ERI1: variants seen among roughly 807,000 people sequenced by gnomAD.
ERI1 encodes the protein exoribonuclease 1.
In ERI1, 39 loss-of-function variants were observed where a neutral mutation model predicts 39.7. That is an observed-to-expected ratio of 0.98 (90% CI 0.76 to 1.28). The LOEUF is 1.28. ERI1 is among the 50% of genes most tolerant of loss of function. The probability of loss-of-function intolerance (pLI) is 0.00; values close to 1 mark genes in which losing one functional copy is unlikely to be tolerated. For missense variants in ERI1, 581 were observed against 416.9 expected (o/e 1.39, Z -3.43); for synonymous variants, 204 against 149.6 (o/e 1.36, Z -2.65).
At position 9,078,880 on chromosome 8, in the gene ERI1, C is replaced by T. The variant is rs977595834; in HGVS notation, n.300-37468C>T. ...AGAGACTACAGGGGCATTATGGGAT[C>T]ATTAACAAGTACACAAACCTCAATT... On this transcript the variant is annotated intron_variant and non_coding_transcript_variant, in intron 3 of 3. Coordinates refer to the ERI1 transcript ENST00000518663. Among the ~76,000 whole-genome samples the T allele has an allele frequency of 1.1e-4, 16 of 152,092 alleles. 1 individual carries two copies.
chr8:9,015,901 ATG>A (rs372797209), intron 3 of ERI1, among the ~76,000 whole-genome samples: 3 of 152,280 alleles, frequency 2.0e-5, no homozygotes, highest in African/African-American at 2.4e-5. Flanking sequence ...TCAGGAGTAA[ATG>A]AGAGAAAAAT....
downstream of ERI1, among the ~76,000 whole-genome samples, chr8:9,037,556 A>T (rs1451551532): frequency 1.3e-5 from 2 of 150,590 alleles, no homozygotes; most frequent in African/African-American, 2.4e-5. Flanking sequence ...ACAGGTTCTT[A>T]CTTGTATCTC....
At chr8:9,066,250 G>A (rs528943102) in intron 3 of ERI1, among the ~76,000 whole-genome samples, 3 of 152,122 alleles carry the variant, frequency 2.0e-5, no homozygotes, top group African/African-American at 7.2e-5. Flanking sequence ...CCACTAGCAG[G>A]GGCATCTCTT....
intron 3 of ERI1, among the ~76,000 whole-genome samples, chr8:9,013,021 C>CT (rs35229644): frequency 0.47 from 70,123 of 149,698 alleles, 17,708 homozygotes; most frequent in African/African-American, 0.63. Flanking sequence ...ACCATTCTCA[C>CT]TTTTTTTTTT....
downstream of ERI1, among the ~76,000 whole-genome samples, chr8:9,035,285 C>T (rs1053176751): frequency 2.6e-4 from 39 of 152,178 alleles, no homozygotes; most frequent in African/African-American, 8.7e-4. Flanking sequence ...ATAGCCTATT[C>T]GAAGAAGATA....
At chr8:9,016,138 AATTC>A (rs1817256092) in intron 3 of ERI1, among the ~76,000 whole-genome samples, 180 bp from the exon 4 acceptor site, 1 of 152,224 alleles carries the variant, frequency 6.6e-6, no homozygotes, top group East Asian at 1.9e-4. Flanking sequence ...ATTATGAATC[AATTC>A]ATTTTTTAAT....
chr8:9,088,837 G>C (rs1264782827), intron 3 of ERI1, among the ~76,000 whole-genome samples: 1 of 152,226 alleles, frequency 6.6e-6, no homozygotes, highest in Non-Finnish European at 1.5e-5. Flanking sequence ...TAACCAGGGA[G>C]TTGACAATGA....
downstream of ERI1, among the ~76,000 whole-genome samples, chr8:9,035,318 G>T (rs1191433642): frequency 1.3e-5 from 2 of 152,178 alleles, no homozygotes; most frequent in Non-Finnish European, 2.9e-5. Flanking sequence ...TTGATAGCTG[G>T]AGAGAAGTCA....
chr8:9,014,409 C>A (rs1399544295), intron 3 of ERI1, among the ~76,000 whole-genome samples: 1 of 152,154 alleles, frequency 6.6e-6, no homozygotes, highest in Non-Finnish European at 1.5e-5. Flanking sequence ...TGTTTCTGAC[C>A]CCCCTTACTG....
chr8:9,018,488 C>T, intron 5 of ERI1, 82 bp downstream of exon 5: 1 of 791,940 alleles, frequency 1.3e-6, no homozygotes, highest in Non-Finnish European at 2.0e-6. Context: ...TTTAGAATAA[C>T]CACAAACTAT....
intron 6 of ERI1, among the ~76,000 whole-genome samples, chr8:9,029,359 C>A (rs117406082): frequency 6.6e-6 from 1 of 152,078 alleles, no homozygotes; most frequent in Non-Finnish European, 1.5e-5. Context: ...GATGGAGTCT[C>A]GCTCTGTTGT....
chr8:9,039,261 A>C (rs1797946403), intron 3 of ERI1, among the ~76,000 whole-genome samples: 1 of 152,334 alleles, frequency 6.6e-6, no homozygotes, highest in Admixed American at 6.5e-5. Flanking sequence ...TGGCACAGTT[A>C]GTGCTTTAAA....
downstream of ERI1, among the ~76,000 whole-genome samples, chr8:9,033,899 C>G (rs1797751222): frequency 6.6e-6 from 1 of 152,182 alleles, no homozygotes; most frequent in Admixed American, 6.5e-5. Flanking sequence ...TGCGATTGTA[C>G]TAAATGTTGC....
intron 1 of ERI1, among the ~76,000 whole-genome samples, chr8:9,004,643 G>C (rs1272491699): frequency 6.6e-6 from 1 of 151,010 alleles, no homozygotes; most frequent in Non-Finnish European, 1.5e-5. Context: ...CAACCTGGGT[G>C]ACAGAGTGAG....
rs1208126017 is a variant in ERI1, at chr8:9,090,646, A to T, written n.300-25702A>T. Among the ~76,000 whole-genome samples the T allele has an allele frequency of 2.0e-5, 3 of 152,020 alleles. No individual in the cohort carries two copies. The East Asian group carries it at 5.8e-4, about 29-fold the overall frequency. ...CAAAAGAGAAGAAATGAGAAAGGAA[A>T]CTCTCTCTGGGGTCCTCCTCTATAG... is the stretch of plus-strand genomic sequence containing the variant. On this transcript the variant is annotated intron_variant and non_coding_transcript_variant, in intron 3 of 3. Coordinates refer to the ERI1 transcript ENST00000518663.
In ERI1 at chr8:9,011,605, G is replaced by A. The variant is rs1198248253; in HGVS notation, c.351G>A (p.Leu117=). Reference sequence around the variant, plus strand: ...ATTATAAGAAGCAGAAGCTGATGCTGAAAGAGAGCAATTTTGCTGACAGTT... The same window carrying A: ...ATTATAAGAAGCAGAAGCTGATGCTAAAAGAGAGCAATTTTGCTGACAGTT... ...KNYYKKQKLM[L]KESNFADSYY... Residue 117 remains leucine, a synonymous_variant, in exon 3 of 7, where the codon CTG becomes CTA. Transcript: ENST00000250263. The A allele has an allele frequency of 1.2e-6, 2 of 1,613,440 alleles. No individual in the cohort carries two copies. Among genetic ancestry groups the A allele is most frequent in the African/African-American group, 1.3e-5 (1 of 74,914 alleles).
At chr8:9,064,368 C>A (rs1021546349) in intron 3 of ERI1, among the ~76,000 whole-genome samples, 5 of 152,066 alleles carry the variant, frequency 3.3e-5, no homozygotes, top group Admixed American at 6.6e-5. Context: ...AGGCAGGCGT[C>A]CTTGAGTGGT....
chr8:9,054,009 A>T (rs1798435289), intron 3 of ERI1, among the ~76,000 whole-genome samples: 1 of 151,686 alleles, frequency 6.6e-6, no homozygotes. Context: ...ACCCTGTGGC[A>T]TTCAAAGTTC....
intron 4 of ERI1, among the ~76,000 whole-genome samples, chr8:9,017,559 T>A (rs1817440285): frequency 6.6e-6 from 1 of 152,222 alleles, no homozygotes; most frequent in African/African-American, 2.4e-5. Flanking sequence ...TGTGGACATC[T>A]ATGAAAAGGG....
Sources: gnomAD v4.1 joint callset for allele counts (sites outside exome capture counted in the v4.1 genomes callset) on GRCh38, gnomAD v4.1.1 for gene constraint, MANE v1.5 for transcripts, NCBI Gene and HGNC (gene_info 2026-07-23, HGNC 2026-07-21) for gene names.